The following GPHN variants were observed in gnomAD, a reference collection of about 807,000 sequenced individuals.
The protein encoded by GPHN is gephyrin.
In GPHN, 17 loss-of-function variants were observed where a neutral mutation model predicts 95.5. The observed-to-expected ratio is 0.18, with a 90% confidence interval of 0.12 to 0.27. The LOEUF (loss-of-function observed/expected upper bound fraction) is 0.27, where lower values mean the gene tolerates loss of function less well. Among genes scored for constraint, GPHN ranks in the 10% least tolerant of loss-of-function variants. The probability of loss-of-function intolerance (pLI) is 1.00; values close to 1 mark genes in which losing one functional copy is unlikely to be tolerated. For missense variants in GPHN, 660 were observed against 978.1 expected, an observed-to-expected ratio of 0.67 and a Z score of 4.34; for synonymous variants, 320 against 322.5, an observed-to-expected ratio of 0.99 and a Z score of 0.08.
chr14:66,635,951 A>C (rs1248808372), intron 1 of GPHN, among the ~76,000 whole-genome samples: 1 of 152,108 alleles, frequency 6.6e-6, no homozygotes, highest in Non-Finnish European at 1.5e-5. Context: ...ATCCTGGCTA[A>C]CACGGTGAAA....
the GPHN span, among the ~76,000 whole-genome samples, chr14:67,627,280 T>TAC: frequency 3.4e-5 from 5 of 148,858 alleles, no homozygotes; most frequent in Non-Finnish European, 7.4e-5. Flanking sequence ...TATATATATA[T>TAC]ATCTGAAACT....
the GPHN span, among the ~76,000 whole-genome samples, chr14:67,403,585 C>A: frequency 6.6e-6 from 1 of 152,202 alleles, no homozygotes; most frequent in Non-Finnish European, 1.5e-5. Flanking sequence ...GAATGTGTTA[C>A]AAGCAACTGA....
At chr14:66,685,932 A>G (rs1397904362) in intron 2 of GPHN, among the ~76,000 whole-genome samples, 1 of 152,188 alleles carries the variant, frequency 6.6e-6, no homozygotes, top group Non-Finnish European at 1.5e-5. Flanking sequence ...TATAAGGTGT[A>G]AGGAACGGAT....
the GPHN span, chr14:67,592,771 CT>C: frequency 6.0e-5 from 64 of 1,065,140 alleles, no homozygotes; most frequent in African/African-American, 8.0e-4. Context: ...ATTTTGCATT[CT>C]TTTTTTCTTT....
rs1380316355 is a variant in GPHN, at chr14:66,782,270, A to G, written c.201+5749A>G. Among the ~76,000 whole-genome samples, 3 of 152,176 alleles carry G rather than the reference A, an allele frequency of 2.0e-5. No homozygotes were observed. The South Asian group carries it at 6.2e-4, about 32-fold the overall frequency. On this transcript the variant is annotated intron_variant, in intron 3 of 22. Transcript: ENST00000478722. Reference sequence around the variant, plus strand: ...CTTTTCCTGAACTTCTGTTCCATTAATCTATTTATTCTTTTCTCAGCACTG... The same window carrying G: ...CTTTTCCTGAACTTCTGTTCCATTAGTCTATTTATTCTTTTCTCAGCACTG...
intron 1 of GPHN, among the ~76,000 whole-genome samples, chr14:66,591,834 G>C (rs879617040): frequency 1.3e-5 from 2 of 152,156 alleles, no homozygotes; most frequent in Non-Finnish European, 2.9e-5. Flanking sequence ...CCAGAAAAGA[G>C]GCTATATAGC....
At chr14:67,037,451 A>T (rs1182741233) in intron 10 of GPHN, among the ~76,000 whole-genome samples, 1 of 152,052 alleles carries the variant, frequency 6.6e-6, no homozygotes, top group Non-Finnish European at 1.5e-5. Flanking sequence ...GACAAATGAG[A>T]CTACCTCAAA....
intron 2 of GPHN, among the ~76,000 whole-genome samples, chr14:66,731,580 T>C (rs569903388): frequency 2.6e-5 from 4 of 152,278 alleles, no homozygotes; most frequent in South Asian, 2.1e-4. Flanking sequence ...TTGGAACTTA[T>C]GTTTAAAAGG....
the GPHN span, among the ~76,000 whole-genome samples, chr14:67,299,934 C>T: frequency 6.6e-6 from 1 of 152,138 alleles, no homozygotes; most frequent in African/African-American, 2.4e-5. Flanking sequence ...ATCAAGACTA[C>T]AAATTTCATT....
intron 3 of GPHN, among the ~76,000 whole-genome samples, chr14:66,801,221 G>A (rs2060335947): frequency 6.6e-6 from 1 of 152,064 alleles, no homozygotes. Flanking sequence ...TTCATGTGGT[G>A]AGGTCATGTT....
At chr14:66,610,285 T>C (rs902930398) in intron 1 of GPHN, among the ~76,000 whole-genome samples, 3 of 152,126 alleles carry the variant, frequency 2.0e-5, no homozygotes, top group African/African-American at 7.2e-5. Flanking sequence ...GGCTCTGACT[T>C]GTCGCTCTTT....
At chr14:67,034,109 A>C (rs571283785) in intron 10 of GPHN, among the ~76,000 whole-genome samples, 1 of 152,314 alleles carries the variant, frequency 6.6e-6, no homozygotes, top group African/African-American at 2.4e-5. Context: ...TCTAGACAAC[A>C]ACATGAAAGT....
rs890479248 is a variant in GPHN at position 66,644,588 on chromosome 14, T to C, written c.65-36519T>C. ...TCAGTATTTAAAGCACTTTATTGAC[T>C]TATTTAACATATGAAACAACTGAGA... On this transcript the variant is annotated intron_variant, in intron 1 of 22. Coordinates refer to ENST00000478722, the MANE Select transcript of GPHN (RefSeq NM_020806.5). Among the ~76,000 whole-genome samples, 3 of 152,148 alleles carry C rather than the reference T, an allele frequency of 2.0e-5. No homozygotes were observed. The South Asian group carries it at 6.2e-4, about 31-fold the overall frequency.
chr14:67,113,721 G>A (rs1175951430), intron 16 of GPHN, among the ~76,000 whole-genome samples: 1 of 151,952 alleles, frequency 6.6e-6, no homozygotes, highest in African/African-American at 2.4e-5. Context: ...ATTTAGAATG[G>A]GTCAAAATGT....
At chr14:66,711,079 C>T (rs1025348757) in intron 2 of GPHN, among the ~76,000 whole-genome samples, 3 of 151,888 alleles carry the variant, frequency 2.0e-5, no homozygotes, top group Non-Finnish European at 2.9e-5. Context: ...ATTGGGGGTA[C>T]AGGTGGTGTT....
intron 1 of GPHN, among the ~76,000 whole-genome samples, chr14:66,626,093 A>T (rs2153326754): frequency 6.6e-6 from 1 of 152,252 alleles, no homozygotes; most frequent in East Asian, 1.9e-4. Context: ...GAAGTCTGGG[A>T]TTCTCACCAT....
the GPHN span, among the ~76,000 whole-genome samples, chr14:67,477,338 C>T: frequency 1.3e-5 from 2 of 152,180 alleles, no homozygotes; most frequent in African/African-American, 2.4e-5. Context: ...AGGTCCTATT[C>T]ATTCTGTTAG....
chr14:67,400,518 C>T, the GPHN span, among the ~76,000 whole-genome samples: 3,198 of 152,280 alleles, frequency 0.021, 48 homozygotes, highest in East Asian at 0.047. Context: ...GACCACCCCC[C>T]GCCCCAACTG....
intron 1 of GPHN, among the ~76,000 whole-genome samples, chr14:66,535,064 A>C (rs1004494426): frequency 1.3e-5 from 2 of 152,146 alleles, no homozygotes; most frequent in African/African-American, 4.8e-5. Flanking sequence ...CTATTACAGG[A>C]TCATGAAAAT....
Sources: gnomAD v4.1 joint callset for allele counts (sites outside exome capture counted in the v4.1 genomes callset) on GRCh38, gnomAD v4.1.1 for gene constraint, MANE v1.5 for transcripts, NCBI Gene and HGNC (gene_info 2026-07-23, HGNC 2026-07-21) for gene names.